Variants in KATNAL2 observed in about 807,000 individuals in gnomAD.
KATNAL2 encodes the protein katanin catalytic subunit A1 like 2, also known as katanin p60 ATPase-containing subunit A-like 2.
A neutral mutation model predicts 76.3 loss-of-function variants in KATNAL2; 52 were observed. That is an observed-to-expected ratio of 0.68 (90% CI 0.55 to 0.86). The LOEUF is 0.86. Among genes scored for constraint, KATNAL2 ranks in the 40% least tolerant of loss-of-function variants. The pLI, the probability that KATNAL2 is intolerant of heterozygous loss-of-function variation, is 0.00. For synonymous variants in KATNAL2, 243 were observed against 244.2 expected (o/e 1.00, Z 0.05); for missense variants, 660 against 668.9 (o/e 0.99, Z 0.15).
Position 47,052,957 on chromosome 18 carries a change from A to G in KATNAL2, c.200A>G (p.Asp67Gly), listed in dbSNP as rs1327989781. 3 of 1,611,938 alleles carry G rather than the reference A, an allele frequency of 1.9e-6. No individual in the cohort carries two copies. Among genetic ancestry groups the G allele is most frequent in the Non-Finnish European group, 2.5e-6 (3 of 1,178,962 alleles). The change falls in exon 5 of 18, where the codon GAT (aspartate) becomes GGT (glycine). Residue 67 changes from aspartate (D) to glycine (G), a missense_variant. By Grantham distance (94) the Asp-to-Gly change is moderately conservative. Coordinates refer to ENST00000683218, the MANE Select transcript of KATNAL2 (RefSeq NM_001387690.1). ...LRRFEVCDNI[D>G]LETILMEYES... ...CGGTTTGAAGTTTGTGACAACATTG[A>G]TCTTGAAACTATTTTGATGGAATAT...
intron 3 of KATNAL2, among the ~76,000 whole-genome samples, chr18:46,960,888 G>A (rs1168022383): frequency 6.6e-6 from 1 of 152,212 alleles, no homozygotes; most frequent in Non-Finnish European, 1.5e-5. Flanking sequence ...GGTTAAAGAA[G>A]GAAGTGGCTT....
chr18:47,041,964 T>C (rs2060980528), intron 3 of KATNAL2, among the ~76,000 whole-genome samples: 1 of 152,262 alleles, frequency 6.6e-6, no homozygotes, highest in African/African-American at 2.4e-5. Context: ...TGTGATGTTG[T>C]CTTTTCATAT....
intron 3 of KATNAL2, chr18:47,034,697 C>G (rs761977562): frequency 3.7e-6 from 6 of 1,612,960 alleles, no homozygotes; most frequent in South Asian, 1.1e-5. Context: ...GGTTGCTTCC[C>G]GGGCGCAGCG....
intron 3 of KATNAL2, among the ~76,000 whole-genome samples, chr18:46,956,549 A>T (rs1409428781): frequency 6.6e-6 from 1 of 152,156 alleles, no homozygotes; most frequent in Non-Finnish European, 1.5e-5. Context: ...CAGGGAGTAG[A>T]TATCACCACA....
chr18:46,919,985 C>T (rs1010882647), intron 1 of KATNAL2: 39 of 1,012,612 alleles, frequency 3.9e-5, no homozygotes, highest in Non-Finnish European at 5.0e-5. Context: ...CACAGAGGAG[C>T]TTACACCCAT....
chr18:46,942,399 G>A (rs184631844), intron 1 of KATNAL2, among the ~76,000 whole-genome samples: 1,609 of 152,236 alleles, frequency 0.011, 11 homozygotes, highest in Non-Finnish European at 0.013. Context: ...GGCGGATCAC[G>A]AGGTCAGGAG....
chr18:46,955,140 C>CTCCCTTTCTTTCTTTCTTTCTT (rs1555834695), intron 3 of KATNAL2, among the ~76,000 whole-genome samples: 4 of 85,020 alleles, frequency 4.7e-5, no homozygotes, highest in Non-Finnish European at 7.0e-5. Flanking sequence ...CTTTCTCTCT[C>CTCCCTTTCTTTCTTTCTTTCTT]TCTTTCTTTC....
intron 13 of KATNAL2, among the ~76,000 whole-genome samples, chr18:47,070,478 T>C (rs1368074901): frequency 6.6e-6 from 1 of 152,208 alleles, no homozygotes; most frequent in South Asian, 2.1e-4. Context: ...TATAAAATGG[T>C]ACTGAATCTT....
intron 3 of KATNAL2, among the ~76,000 whole-genome samples, chr18:46,957,490 G>A (rs746676982): frequency 6.6e-6 from 1 of 150,678 alleles, no homozygotes; most frequent in Admixed American, 6.6e-5. Context: ...TACTGAACTC[G>A]TGATCTGCCC....
chr18:47,054,336 A>G, intron 5 of KATNAL2, 60 bp from the exon 6 acceptor site: 1 of 1,473,176 alleles, frequency 6.8e-7, no homozygotes, highest in Non-Finnish European at 9.5e-7. Flanking sequence ...TACCTGAAAA[A>G]AATCACTTTG....
At chr18:47,073,835 A>G (rs2062092562) in intron 13 of KATNAL2, among the ~76,000 whole-genome samples, 1 of 152,174 alleles carries the variant, frequency 6.6e-6, no homozygotes, top group African/African-American at 2.4e-5. Flanking sequence ...ACACTTACCC[A>G]TGATTCTGTA....
chr18:46,924,353 T>A (rs2146502137), intron 1 of KATNAL2, among the ~76,000 whole-genome samples: 1 of 152,342 alleles, frequency 6.6e-6, no homozygotes, highest in Non-Finnish European at 1.5e-5. Context: ...CATTGCTTGT[T>A]TTTGTCAGGT....
At chr18:46,942,671 C>T (rs1247590437) in intron 1 of KATNAL2, among the ~76,000 whole-genome samples, 1 of 152,150 alleles carries the variant, frequency 6.6e-6, no homozygotes, top group Non-Finnish European at 1.5e-5. Flanking sequence ...TATCTTCTAT[C>T]TGTCTCCTCA....
intron 3 of KATNAL2, chr18:47,032,606 A>C (rs1291575506): frequency 3.7e-6 from 1 of 268,134 alleles, no homozygotes; most frequent in East Asian, 9.9e-5. Context: ...CGGAGTTATC[A>C]GTGTCAACTA....
At position 47,066,848 on chromosome 18, in the gene KATNAL2, TATATATA is replaced by T. The variant is rs1176997839; in HGVS notation, c.727-172_727-166del. 3.7e-3 allele frequency among the ~76,000 whole-genome samples: 55 copies of T among 14,894 alleles called. 5 individuals are homozygous for T. The highest frequency in any genetic ancestry group is 9.7e-3 in the South Asian group (5 of 516). The allele number at this position is 14,894 out of a possible 152,430, so 9.8% of individuals were successfully genotyped here. On this transcript the variant is annotated intron_variant, in intron 10 of 17. Transcript: ENST00000683218. ...CAAAATTACAATGTATATATGTGTT[TATATATA>T]TATATATATATATATATATATATAT...
chr18:47,053,230 C>A (rs1321040885), intron 5 of KATNAL2, among the ~76,000 whole-genome samples, 184 bp downstream of exon 5: 3 of 152,176 alleles, frequency 2.0e-5, no homozygotes, highest in Non-Finnish European at 4.4e-5. Flanking sequence ...ACACTGATAT[C>A]CCTTTAGGCA....
intron 13 of KATNAL2, among the ~76,000 whole-genome samples, chr18:47,073,103 AC>A (rs1270923992): frequency 1.3e-5 from 2 of 152,108 alleles, no homozygotes; most frequent in African/African-American, 4.8e-5. Flanking sequence ...ACAGGGTTGT[AC>A]TCGCTTACAG....
intron 1 of KATNAL2, among the ~76,000 whole-genome samples, chr18:46,931,481 G>A (rs564975366): frequency 2.6e-5 from 4 of 151,982 alleles, no homozygotes; most frequent in South Asian, 2.1e-4. Flanking sequence ...GTGAAACCCC[G>A]TTTCTACTAA....
chr18:47,095,450 C>T (rs2063189619), intron 15 of KATNAL2, among the ~76,000 whole-genome samples: 1 of 152,206 alleles, frequency 6.6e-6, no homozygotes, highest in Non-Finnish European at 1.5e-5. Flanking sequence ...TAAGTGCTCA[C>T]TCTGTCCTGC....
Sources: gnomAD v4.1 joint callset for allele counts (sites outside exome capture counted in the v4.1 genomes callset) on GRCh38, gnomAD v4.1.1 for gene constraint, MANE v1.5 for transcripts, NCBI Gene and HGNC (gene_info 2026-07-23, HGNC 2026-07-21) for gene names.